Variants in FAAH2 observed in about 807,000 individuals in gnomAD.
The protein encoded by FAAH2 is fatty acid amide hydrolase 2, also known as fatty-acid amide hydrolase 2.
Under a neutral mutation model 36.9 loss-of-function variants are expected in FAAH2, and 60 were observed. The observed-to-expected ratio is 1.63, with a 90% CI of 1.32 to 2.02. The LOEUF (loss-of-function observed/expected upper bound fraction) is 2.02. Among genes scored for constraint, FAAH2 ranks in the 30% most tolerant of loss-of-function variants. FAAH2 has a pLI of 0.00. For synonymous variants in FAAH2, 214 were observed against 143.8 expected (o/e 1.49, Z -3.49); for missense variants, 689 against 397.5 (o/e 1.73, Z -6.23).
the FAAH2 span, among the ~76,000 whole-genome samples, chrX:57,277,194 G>T: frequency 1.8e-5 from 2 of 111,496 alleles, no homozygotes; most frequent in African/African-American, 6.5e-5. Context: ...CTGGCAAACC[G>T]ATTCCAGCAG....
chrX:57,386,029 G>C (rs1290087820), intron 7 of FAAH2, among the ~76,000 whole-genome samples: 1 of 111,765 alleles, frequency 8.9e-6, no homozygotes, highest in Non-Finnish European at 1.9e-5. Context: ...AAAACTCAGT[G>C]GATTTTTAAA....
the FAAH2 span, chrX:57,229,134 C>T: frequency 9.0e-6 from 1 of 111,602 alleles, no homozygotes; most frequent in African/African-American, 3.3e-5. Flanking sequence ...CACTACCTTA[C>T]AGAAAAACAA....
intron 8 of FAAH2, among the ~76,000 whole-genome samples, chrX:57,442,509 A>G (rs545700685): frequency 3.6e-5 from 4 of 110,774 alleles, no homozygotes; most frequent in African/African-American, 1.3e-4. Context: ...GTGTCTCTGC[A>G]TGTGATATGG....
At chrX:57,250,143 T>C in the FAAH2 span, among the ~76,000 whole-genome samples, 1 of 112,046 alleles carries the variant, frequency 8.9e-6, no homozygotes, top group East Asian at 2.8e-4. Context: ...TAATTGGAAG[T>C]TGGATACAGC....
intron 10 of FAAH2, among the ~76,000 whole-genome samples, chrX:57,481,232 C>T (rs2057372975): frequency 9.0e-6 from 1 of 111,124 alleles, no homozygotes. Context: ...CATACTGAAG[C>T]CTACTTCTGT....
chrX:57,472,975 A>G (rs1009443375), intron 10 of FAAH2, among the ~76,000 whole-genome samples: 1 of 110,800 alleles, frequency 9.0e-6, no homozygotes, highest in Non-Finnish European at 1.9e-5. Flanking sequence ...TAATGCTTTC[A>G]AAGAACTAAA....
intron 5 of FAAH2, among the ~76,000 whole-genome samples, chrX:57,377,746 T>A (rs2054723124): frequency 8.9e-6 from 1 of 112,307 alleles, no homozygotes; most frequent in African/African-American, 3.2e-5. Context: ...GTATGGCCAT[T>A]TTTACAGTAT....
chrX:57,400,101 G>A (rs1380994715), intron 7 of FAAH2, among the ~76,000 whole-genome samples: 1 of 112,235 alleles, frequency 8.9e-6, no homozygotes, highest in Non-Finnish European at 1.9e-5. Context: ...GAAGAAATGT[G>A]GCTGGATTAA....
At chrX:57,209,724 C>T in the FAAH2 span, among the ~76,000 whole-genome samples, 1 of 111,521 alleles carries the variant, frequency 9.0e-6, no homozygotes, top group African/African-American at 3.3e-5. Context: ...TGCAAATCCA[C>T]TGTTTCTGGG....
intron 2 of FAAH2, among the ~76,000 whole-genome samples, chrX:57,300,136 C>T (rs1330358185): frequency 2.7e-5 from 3 of 111,312 alleles, no homozygotes; most frequent in Non-Finnish European, 5.7e-5. Flanking sequence ...CAAAAAAGAG[C>T]CCGCATTGCC....
At chrX:57,372,755 A>G (rs1237475892) in intron 5 of FAAH2, among the ~76,000 whole-genome samples, 3 of 109,783 alleles carry the variant, frequency 2.7e-5, no homozygotes, top group African/African-American at 9.9e-5. Context: ...GTTTTTGGGG[A>G]ACAGGTGGTG....
the FAAH2 span, among the ~76,000 whole-genome samples, chrX:57,160,645 T>A: frequency 1.8e-5 from 2 of 112,308 alleles, no homozygotes; most frequent in South Asian, 7.4e-4. Flanking sequence ...TTTATAGTAT[T>A]CTCTGATAGT....
upstream of FAAH2, among the ~76,000 whole-genome samples, chrX:57,281,712 C>A (rs780481822): frequency 4.5e-5 from 5 of 111,563 alleles, no homozygotes; most frequent in Non-Finnish European, 7.5e-5. Context: ...GGTCCTCAGC[C>A]TCCTCTCTCC....
chrX:57,465,460 T>G (rs1351502996), intron 10 of FAAH2, among the ~76,000 whole-genome samples: 2 of 111,285 alleles, frequency 1.8e-5, no homozygotes, highest in Non-Finnish European at 3.8e-5. Flanking sequence ...AACCTACCCA[T>G]CAACTAGAAG....
chrX:57,344,628 T>C (rs1257241036), intron 5 of FAAH2, among the ~76,000 whole-genome samples: 2 of 111,198 alleles, frequency 1.8e-5, no homozygotes, highest in Non-Finnish European at 3.8e-5. Flanking sequence ...TTATGTTGAA[T>C]AGGAGTGGTG....
At chrX:57,331,370 G>A (rs1408981895) in intron 3 of FAAH2, among the ~76,000 whole-genome samples, 3 of 110,444 alleles carry the variant, frequency 2.7e-5, no homozygotes, top group Admixed American at 1.9e-4. Flanking sequence ...CCCTGTGCAG[G>A]GTTCCCAGCT....
At position 57,286,709 on chromosome X, in the gene FAAH2, C is replaced by A; in HGVS notation, c.-117C>A. ...AAGCTCCTGTGGAATTGTGGGTAGA[C>A]ACTGGACTTGTAAACGAAAAGCTTC... On this transcript the variant is annotated 5_prime_UTR_variant, in exon 1 of 11. Transcript: ENST00000374900. 1 of 731,810 alleles carries A rather than the reference C, an allele frequency of 1.4e-6. No homozygotes were observed. Among genetic ancestry groups the A allele is most frequent in the Non-Finnish European group, 1.9e-6 (1 of 539,711 alleles). 60.3% of individuals were successfully genotyped at this position (731,810 alleles called of 1,213,427 possible).
intron 5 of FAAH2, among the ~76,000 whole-genome samples, chrX:57,345,709 G>A (rs978865131): frequency 9.0e-6 from 1 of 111,379 alleles, no homozygotes; most frequent in Non-Finnish European, 1.9e-5. Flanking sequence ...TCCTTTGGGT[G>A]TGATTAGATC....
the FAAH2 span, among the ~76,000 whole-genome samples, chrX:57,130,173 G>A: frequency 2.7e-5 from 3 of 112,112 alleles, no homozygotes; most frequent in East Asian, 2.8e-4. Context: ...ATGATCTAGC[G>A]CATGCAGAAT....
Sources: gnomAD v4.1 joint callset for allele counts (sites outside exome capture counted in the v4.1 genomes callset) on GRCh38, gnomAD v4.1.1 for gene constraint, MANE v1.5 for transcripts, NCBI Gene and HGNC (gene_info 2026-07-23, HGNC 2026-07-21) for gene names.